GABRA2: variants seen among roughly 807,000 people sequenced by gnomAD.
The protein encoded by GABRA2 is gamma-aminobutyric acid type A receptor subunit alpha2, also known as gamma-aminobutyric acid receptor subunit alpha-2.
Under a neutral mutation model 48.7 loss-of-function variants are expected in GABRA2, and 16 were observed. The observed-to-expected ratio is 0.33, with a 90% CI of 0.22 to 0.50. The LOEUF is 0.50. GABRA2 is among the 20% of genes least tolerant of loss of function. The pLI, the probability that GABRA2 is intolerant of heterozygous loss-of-function variation, is 0.98. For missense variants in GABRA2, 275 were observed against 535.6 expected, an observed-to-expected ratio of 0.51 and a Z score of 4.80; for synonymous variants, 185 against 184.5, an observed-to-expected ratio of 1.00 and a Z score of -0.02.
chr4:46,291,527 A>G (rs886264103), intron 8 of GABRA2, among the ~76,000 whole-genome samples: 9 of 152,118 alleles, frequency 5.9e-5, no homozygotes, highest in Non-Finnish European at 1.3e-4. Flanking sequence ...CTAGGTAGGC[A>G]AGATCTAATC....
chr4:46,283,909 G>C (rs1275842964), intron 8 of GABRA2, among the ~76,000 whole-genome samples: 2 of 151,788 alleles, frequency 1.3e-5, no homozygotes, highest in Non-Finnish European at 2.9e-5. Flanking sequence ...ACAGGCACCC[G>C]CCACCACACC....
chr4:46,244,753 G>A lies in GABRA2; in HGVS notation c.*5555C>T, dbSNP rs1412434782. ...AATCAACATTAATCATTTTTAATACGTGATCATTACTTGTGAACCAAAAAA... is the reference window on the plus strand; with the variant it reads ...AATCAACATTAATCATTTTTAATACATGATCATTACTTGTGAACCAAAAAA... On this transcript the variant is annotated 3_prime_UTR_variant, in exon 10 of 10. Coordinates refer to ENST00000381620, the MANE Select transcript of GABRA2 (RefSeq NM_000807.4). Among the ~76,000 whole-genome samples the A allele has an allele frequency of 6.6e-6, 1 of 151,342 alleles. No homozygotes were observed. The highest frequency in any genetic ancestry group is 2.4e-5 in the African/African-American group (1 of 41,342).
intron 8 of GABRA2, among the ~76,000 whole-genome samples, chr4:46,282,328 C>T (rs1721688555): frequency 6.6e-6 from 1 of 152,094 alleles, no homozygotes; most frequent in Admixed American, 6.6e-5. Flanking sequence ...GAGCATGTGT[C>T]CTATGTCTAA....
intron 8 of GABRA2, among the ~76,000 whole-genome samples, chr4:46,272,669 GA>G (rs1408223331): frequency 6.6e-6 from 1 of 151,932 alleles, no homozygotes; most frequent in East Asian, 1.9e-4. Flanking sequence ...GGGTTCCCCA[GA>G]AAAGGAAAAA....
chr4:46,273,254 T>A (rs548766516), intron 8 of GABRA2, among the ~76,000 whole-genome samples: 2 of 151,932 alleles, frequency 1.3e-5, no homozygotes, highest in South Asian at 4.2e-4. Flanking sequence ...TTTCATTTTT[T>A]AAATTTATCC....
chr4:46,352,690 T>C (rs1380567535), intron 3 of GABRA2, among the ~76,000 whole-genome samples: 1 of 152,086 alleles, frequency 6.6e-6, no homozygotes, highest in African/African-American at 2.4e-5. Flanking sequence ...GTATCCATTG[T>C]CCATTTCCAT....
At chr4:46,261,810 T>C in intron 9 of GABRA2, 116 bp downstream of exon 9, 1 of 884,632 alleles carries the variant, frequency 1.1e-6, no homozygotes, top group South Asian at 1.5e-5. Context: ...ATTGATATGA[T>C]TCAAATTCAT....
chr4:46,305,183 T>C (rs1323289833), intron 7 of GABRA2, among the ~76,000 whole-genome samples: 1 of 142,296 alleles, frequency 7.0e-6, no homozygotes, highest in Admixed American at 7.6e-5. Flanking sequence ...AAACACCACA[T>C]GTTCTCACTC....
At chr4:46,305,121 TA>T (rs1287647487) in intron 7 of GABRA2, among the ~76,000 whole-genome samples, 10 of 151,612 alleles carry the variant, frequency 6.6e-5, no homozygotes, top group South Asian at 2.1e-4. Context: ...TCCAAATGTC[TA>T]AAAAGCTGGA....
intron 3 of GABRA2, among the ~76,000 whole-genome samples, chr4:46,343,199 T>C (rs1560553755): frequency 6.6e-6 from 1 of 152,008 alleles, no homozygotes; most frequent in South Asian, 2.1e-4. Flanking sequence ...ATTTTCAACA[T>C]TCCCTATAAG....
intron 3 of GABRA2, among the ~76,000 whole-genome samples, chr4:46,363,251 G>A (rs1042049463): frequency 4.1e-4 from 63 of 152,208 alleles, no homozygotes; most frequent in African/African-American, 6.3e-4. Flanking sequence ...TAAAGTGGCC[G>A]GGGGAGTATT....
At position 46,305,666 on chromosome 4, in the gene GABRA2, G is replaced by C. The variant is rs781777940; in HGVS notation, c.605C>G (p.Ala202Gly). 6.2e-7 allele frequency: 1 copy of C among 1,612,904 alleles called. No homozygotes were observed. Residue 202 changes from alanine (A) to glycine (G), a missense_variant, in exon 7 of 10, where the codon GCA becomes GGA. Physicochemically the swap from Ala to Gly is moderately conservative, Grantham distance 60 (BLOSUM62 0). Around this residue, in one of 4 missense-constraint regions of GABRA2, gnomAD observed 113 missense variants for 257.1 expected, o/e 0.44. Coordinates refer to ENST00000381620, the MANE Select transcript of GABRA2 (RefSeq NM_000807.4). The part of the protein sequence containing the change: ...SEVTYIWTYN[A>G]SDSVQVAPDG... ...AGGAGCAACCTGTACTGAATCAGAT[G>C]CATTGTAAGTCCAAATATAAGTGAC... is the stretch of plus-strand genomic sequence containing the variant.
intron 9 of GABRA2, chr4:46,256,085 T>C (rs1362566001): frequency 6.8e-6 from 3 of 439,706 alleles, no homozygotes; most frequent in South Asian, 5.7e-5. Flanking sequence ...TTACAGTTAT[T>C]GTGGCTACTA....
intron 3 of GABRA2, among the ~76,000 whole-genome samples, chr4:46,334,654 C>A (rs558334398): frequency 6.6e-6 from 1 of 152,098 alleles, no homozygotes; most frequent in Non-Finnish European, 1.5e-5. Context: ...GGTATCAGTA[C>A]CTAGTGGCTA....
intron 3 of GABRA2, among the ~76,000 whole-genome samples, chr4:46,378,264 C>T (rs1345588132): frequency 6.6e-6 from 1 of 152,164 alleles, no homozygotes. Flanking sequence ...GTTGCCGTGT[C>T]TGTGTAGAAA....
At chr4:46,288,047 T>C (rs561092200) in intron 8 of GABRA2, among the ~76,000 whole-genome samples, 11 of 152,240 alleles carry the variant, frequency 7.2e-5, no homozygotes, top group African/African-American at 2.6e-4. Flanking sequence ...ATGAGACTTA[T>C]TCACTATCAT....
intron 3 of GABRA2, among the ~76,000 whole-genome samples, chr4:46,362,009 C>T (rs921782666): frequency 8.5e-5 from 13 of 152,110 alleles, no homozygotes; most frequent in African/African-American, 3.1e-4. Flanking sequence ...ATTTTACAGG[C>T]TAATAGGAGG....
intron 8 of GABRA2, among the ~76,000 whole-genome samples, chr4:46,283,464 T>C (rs1721924063): frequency 6.6e-6 from 1 of 152,172 alleles, no homozygotes; most frequent in Admixed American, 6.5e-5. Context: ...TGTGGACTTA[T>C]TCCACATGGG....
intron 7 of GABRA2, among the ~76,000 whole-genome samples, chr4:46,304,527 C>T (rs1726301070): frequency 6.6e-6 from 1 of 151,794 alleles, no homozygotes; most frequent in African/African-American, 2.4e-5. Flanking sequence ...AGGCGGCCTT[C>T]AGAGAGGGAA....
Sources: allele counts gnomAD v4.1 joint callset (sites outside exome capture counted in the v4.1 genomes callset), GRCh38; gene constraint gnomAD v4.1.1; regional missense constraint gnomAD v4.1.1; transcripts MANE v1.5; gene names NCBI Gene and HGNC (gene_info 2026-07-23, HGNC 2026-07-21).